The following ASXL3 variants were observed in gnomAD, a reference collection of about 807,000 sequenced individuals.
The protein encoded by ASXL3 is putative Polycomb group protein ASXL3.
ASXL3 carries 34 observed loss-of-function variants against 170.6 expected under a neutral mutation model. The ratio of observed to expected loss-of-function variants is 0.20; its 90% CI spans 0.15 to 0.27. ASXL3 has a LOEUF of 0.27. Ranked by LOEUF, ASXL3 falls within the 10% of genes least tolerant of loss-of-function variation. The pLI, the probability that ASXL3 is intolerant of heterozygous loss-of-function variation, is 1.00. For synonymous variants in ASXL3, 1,002 were observed against 989.1 expected, an observed-to-expected ratio of 1.01 and a Z score of -0.24; for missense variants, 2,592 against 2,695.3, an observed-to-expected ratio of 0.96 and a Z score of 0.85.
At chr18:33,741,879 C>A (rs986861432) in intron 11 of ASXL3, among the ~76,000 whole-genome samples, 1 of 152,202 alleles carries the variant, frequency 6.6e-6, no homozygotes, top group Non-Finnish European at 1.5e-5. Context: ...CTTTCCAGCT[C>A]TACACAGCCA....
intron 2 of ASXL3, among the ~76,000 whole-genome samples, chr18:33,621,657 A>G (rs908361202): frequency 6.6e-6 from 1 of 152,130 alleles, no homozygotes. Context: ...GATTCCCACC[A>G]TGGGTTGGTG....
intron 1 of ASXL3, among the ~76,000 whole-genome samples, chr18:33,586,056 G>T (rs1037355927): frequency 6.6e-6 from 1 of 152,070 alleles, no homozygotes; most frequent in Non-Finnish European, 1.5e-5. Flanking sequence ...TATTCAGAAG[G>T]TGAATGGCAT....
At chr18:33,659,545 C>G (rs551958733) in intron 4 of ASXL3, among the ~76,000 whole-genome samples, 2 of 152,252 alleles carry the variant, frequency 1.3e-5, no homozygotes, top group African/African-American at 4.8e-5. Context: ...GTCACCTCCT[C>G]AGTTGGTCAC....
rs748372490 is a variant in ASXL3, at chr18:33,683,491, A to C, written c.802A>C (p.Asn268His). Reference protein sequence around the residue: ...LVNTNLRALINKHTFASLPQH... With the variant: ...LVNTNLRALIHKHTFASLPQH... The stretch of plus-strand genomic sequence containing the variant: ...CAACACTAACTTGAGGGCATTAATA[A>C]ATAAACATACGTTTGCTTCCTTACC... The change falls in exon 8 of 12, where the codon AAT (asparagine) becomes CAT (histidine). Residue 268 changes from asparagine (N) to histidine (H), a missense_variant. Around this residue, in one of 4 missense-constraint regions of ASXL3, gnomAD observed 73 missense variants for 142.7 expected, o/e 0.51. Coordinates refer to ENST00000269197, the MANE Select transcript of ASXL3 (RefSeq NM_030632.3). 1 of 1,613,708 alleles carries C rather than the reference A, an allele frequency of 6.2e-7. No homozygotes were observed.
At position 33,621,601 on chromosome 18, in the gene ASXL3, C is replaced by T. The variant is rs1428959485; in HGVS notation, c.137+13925C>T. On this transcript the variant is annotated intron_variant, in intron 2 of 11. Transcript: ENST00000269197. ...CTTCTTGTTGCCACCAGGACCTCAC[C>T]CAAAGGAAGACTGAAAAGAACAAGG... Among the ~76,000 whole-genome samples the T allele has an allele frequency of 2.6e-5, 4 of 152,032 alleles. No individual in the cohort carries two copies. The East Asian group carries it at 7.7e-4, about 29-fold the overall frequency.
chr18:33,697,281 G>T (rs1007469982), intron 8 of ASXL3, among the ~76,000 whole-genome samples: 14 of 152,044 alleles, frequency 9.2e-5, no homozygotes, highest in Admixed American at 7.9e-4. Flanking sequence ...TTTATGGTGG[G>T]CTATGCAAGG....
chr18:33,588,061 A>T (rs150471208), intron 1 of ASXL3, among the ~76,000 whole-genome samples: 1 of 151,974 alleles, frequency 6.6e-6, no homozygotes, highest in South Asian at 2.1e-4. Flanking sequence ...CTTAGTGTGT[A>T]TGTGTGTGTA....
chr18:33,638,875 C>A (rs1599429702), intron 2 of ASXL3, among the ~76,000 whole-genome samples: 1 of 152,126 alleles, frequency 6.6e-6, no homozygotes, highest in Non-Finnish European at 1.5e-5. Flanking sequence ...TCATTCTTCT[C>A]CCTGTCCCCT....
Position 33,742,932 on chromosome 18 carries a change from A to G in ASXL3, c.3084A>G (p.Gln1028=). 2 of 1,610,090 alleles carry G rather than the reference A, an allele frequency of 1.2e-6. No individual in the cohort carries two copies. The highest frequency in any genetic ancestry group is 1.1e-5 in the South Asian group (1 of 90,252). ...GGCCACCTTTTATAATCAAGAGCCA[A>G]CCAGTCTCCAAACCTGAGTCTCGAG... ...KIGPPFIIKS[Q]PVSKPESRAS... is the part of the protein sequence containing the mutation. Residue 1028 remains glutamine (Q), a synonymous_variant, in exon 12 of 12, where the codon CAA becomes CAG. Transcript: ENST00000269197.
intron 8 of ASXL3, among the ~76,000 whole-genome samples, chr18:33,692,388 G>T (rs1374079943): frequency 6.6e-6 from 1 of 152,074 alleles, no homozygotes; most frequent in Non-Finnish European, 1.5e-5. Flanking sequence ...CCTCCTTTCT[G>T]TTCCTCAAAC....
intron 1 of ASXL3, among the ~76,000 whole-genome samples, chr18:33,586,663 C>T (rs1006164529): frequency 7.9e-5 from 12 of 152,012 alleles, no homozygotes; most frequent in Non-Finnish European, 1.0e-4. Flanking sequence ...TTATTCTCGT[C>T]GCCCCACACC....
chr18:33,650,876 C>G (rs777964045), intron 4 of ASXL3, among the ~76,000 whole-genome samples: 1 of 152,078 alleles, frequency 6.6e-6, no homozygotes, highest in Non-Finnish European at 1.5e-5. Context: ...ATGTAGGCAC[C>G]CTGTGCTTCT....
chr18:33,698,035 T>G (rs1271307449), intron 8 of ASXL3, among the ~76,000 whole-genome samples: 1 of 152,190 alleles, frequency 6.6e-6, no homozygotes, highest in East Asian at 1.9e-4. Flanking sequence ...TGGAAGAATA[T>G]GTACTATGGT....
chr18:33,671,934 A>C, intron 7 of ASXL3, 68 bp downstream of exon 7: 1 of 1,370,002 alleles, frequency 7.3e-7, no homozygotes, highest in Non-Finnish European at 9.7e-7. Flanking sequence ...AAATTATCTA[A>C]AATTTTCAGA....
At chr18:33,687,589 G>A (rs2066616592) in intron 8 of ASXL3, among the ~76,000 whole-genome samples, 1 of 152,136 alleles carries the variant, frequency 6.6e-6, no homozygotes. Context: ...GTTCATTCCA[G>A]TATTACATCC....
intron 8 of ASXL3, among the ~76,000 whole-genome samples, chr18:33,716,415 C>T (rs917644192): frequency 2.0e-5 from 3 of 152,098 alleles, no homozygotes; most frequent in African/African-American, 7.2e-5. Context: ...CCTTTATTTC[C>T]TTAGGAACTT....
intron 10 of ASXL3, among the ~76,000 whole-genome samples, chr18:33,736,055 A>AT (rs1166544673): frequency 7.9e-5 from 12 of 152,106 alleles, no homozygotes; most frequent in African/African-American, 2.9e-4. Flanking sequence ...ATTATTCATA[A>AT]TTTTTTTAAC....
chr18:33,703,534 C>G (rs1312091614), intron 8 of ASXL3, among the ~76,000 whole-genome samples: 1 of 152,110 alleles, frequency 6.6e-6, no homozygotes, highest in Admixed American at 6.6e-5. Context: ...GTTGTACTTG[C>G]CAGGTATTTA....
At position 33,578,334 on chromosome 18, in the gene ASXL3, C is replaced by T. The variant is rs1293420524; in HGVS notation, c.-298C>T. On this transcript the variant is annotated 5_prime_UTR_variant, in exon 1 of 12. Coordinates refer to ENST00000269197, the MANE Select transcript of ASXL3 (RefSeq NM_030632.3). ...GAGCGAGCCCGGCCGGCGCCGCCCC[C>T]GCCCCTGGCCCGGGCCCCGCTGCTG... The T allele has an allele frequency of 2.8e-5, 4 of 143,134 alleles. No individual in the cohort carries two copies. Among genetic ancestry groups the T allele is most frequent in the Non-Finnish European group, 1.5e-5 (1 of 64,782 alleles). The allele number at this position is 143,134 out of a possible 1,614,324, so 8.9% of individuals were successfully genotyped here. A position where few individuals can be genotyped will look rare whatever the true frequency, so the allele number is the denominator to read the frequency against.
Sources: allele counts gnomAD v4.1 joint callset (sites outside exome capture counted in the v4.1 genomes callset), GRCh38; gene constraint gnomAD v4.1.1; regional missense constraint gnomAD v4.1.1; transcripts MANE v1.5; gene names NCBI Gene and HGNC (gene_info 2026-07-23, HGNC 2026-07-21).